MRC1: variants seen among roughly 807,000 people sequenced by gnomAD.
MRC1 encodes the protein mannose receptor C-type 1, also known as macrophage mannose receptor 1.
MRC1 carries 62 observed loss-of-function variants against 102.9 expected under a neutral mutation model. The ratio of observed to expected loss-of-function variants is 0.60; its 90% CI spans 0.49 to 0.74. MRC1 has a LOEUF of 0.74. Among genes scored for constraint, MRC1 ranks in the 30% least tolerant of loss-of-function variants. The pLI, the probability that MRC1 is intolerant of heterozygous loss-of-function variation, is 0.00. For synonymous variants in MRC1, 457 were observed against 298.4 expected (o/e 1.53, Z -5.48); for missense variants, 1,237 against 862.8 (o/e 1.43, Z -5.43).
At chr10:17,814,781 G>GT (rs1219393978) in intron 1 of MRC1, among the ~76,000 whole-genome samples, 1 of 147,708 alleles carries the variant, frequency 6.8e-6, no homozygotes, top group African/African-American at 2.5e-5. Flanking sequence ...TGCTTCCTGG[G>GT]TTCAAGTGAT....
At chr10:17,893,414 C>T (rs953069690) in intron 22 of MRC1, among the ~76,000 whole-genome samples, 2 of 152,166 alleles carry the variant, frequency 1.3e-5, no homozygotes, top group South Asian at 4.1e-4. Context: ...GCCTTGGCCT[C>T]TCAAAGTGCT....
chr10:17,909,441 G>C, intron 29 of MRC1, 94 bp downstream of exon 29: 2 of 760,834 alleles, frequency 2.6e-6, no homozygotes, highest in East Asian at 4.9e-5. Context: ...CAACTCCCCT[G>C]CTCTCTCAGT....
chr10:17,904,899 C>G (rs1833876270), intron 26 of MRC1, among the ~76,000 whole-genome samples: 1 of 152,278 alleles, frequency 6.6e-6, no homozygotes, highest in East Asian at 1.9e-4. Flanking sequence ...CCTAGCTTTT[C>G]CTTTTAAGTT....
chr10:17,880,069 T>G (rs1390237892), intron 19 of MRC1, among the ~76,000 whole-genome samples: 4 of 152,236 alleles, frequency 2.6e-5, no homozygotes, highest in African/African-American at 4.8e-5. Context: ...TTTCATGTTC[T>G]GATTTGAAAA....
At position 17,885,330 on chromosome 10, in the gene MRC1, C is replaced by G; in HGVS notation, c.3042C>G (p.Val1014=). Residue 1014 remains valine, a synonymous_variant, in exon 22 of 30, where the codon GTC becomes GTG. Coordinates refer to ENST00000569591, the MANE Select transcript of MRC1 (RefSeq NM_002438.4). ...GTGCCTGGACTGGGCTGAATGATGT[C>G]AATTCAGAACACACGTTCCTTTGGA... is the stretch of plus-strand genomic sequence containing the variant. ...TFSAWTGLND[V]NSEHTFLWTD... is the part of the protein sequence containing the mutation. 1 of 780,850 alleles carries G rather than the reference C, an allele frequency of 1.3e-6. No homozygotes were observed. 48.4% of individuals were successfully genotyped at this position (780,850 alleles called of 1,614,324 possible). A position where few individuals can be genotyped will look rare whatever the true frequency, so the allele number is the denominator to read the frequency against.
intron 3 of MRC1, among the ~76,000 whole-genome samples, chr10:17,832,038 A>G (rs1838582048): frequency 6.6e-6 from 1 of 151,616 alleles, no homozygotes; most frequent in Non-Finnish European, 1.5e-5. Flanking sequence ...TGAGAAAACG[A>G]GACTTCAAAA....
intron 17 of MRC1, among the ~76,000 whole-genome samples, chr10:17,876,783 C>G (rs1304002012): frequency 6.6e-6 from 1 of 152,048 alleles, no homozygotes; most frequent in Non-Finnish European, 1.5e-5. Flanking sequence ...AATCATCTTT[C>G]TTGGTTGTAA....
chr10:17,861,403 A>G lies in MRC1; in HGVS notation c.1535A>G (p.His512Arg). ...CATTAATAGGGCTGGAAAAAACATC[A>G]CTTTTACTGCTATATGATTGGACAT... ...KGCRKGWKKH[H>R]FYCYMIGHTL... The change falls in exon 10 of 30, where the codon CAC becomes CGC. Residue 512 changes from histidine to arginine, a missense_variant. Transcript: ENST00000569591. 4 of 872,464 alleles carry G rather than the reference A, an allele frequency of 4.6e-6. No individual in the cohort carries two copies. Among genetic ancestry groups the G allele is most frequent in the Admixed American group, 1.7e-5 (1 of 59,174 alleles). The allele number at this position is 872,464 out of a possible 1,614,324, so 54.0% of individuals were successfully genotyped here.
intron 8 of MRC1, among the ~76,000 whole-genome samples, chr10:17,853,572 A>G (rs1042961391): frequency 0.03 from 4,427 of 146,822 alleles, 132 homozygotes; most frequent in African/African-American, 0.074. Context: ...ATATATATGT[A>G]TGTGTGTGTG....
intron 27 of MRC1, among the ~76,000 whole-genome samples, chr10:17,907,230 C>T (rs1348137073): frequency 1.3e-5 from 2 of 152,044 alleles, no homozygotes; most frequent in Non-Finnish European, 2.9e-5. Context: ...GTTTGAGGAG[C>T]TTTAAAAAGC....
chr10:17,849,870 A>C (rs1838887549), intron 7 of MRC1, 106 bp downstream of exon 7: 1 of 628,698 alleles, frequency 1.6e-6, no homozygotes, highest in African/African-American at 1.8e-5. Flanking sequence ...AATCAATGTA[A>C]ATCAATAATT....
chr10:17,860,887 G>T (rs1833174937), intron 9 of MRC1, among the ~76,000 whole-genome samples: 1 of 152,196 alleles, frequency 6.6e-6, no homozygotes. Context: ...TAGGAGGAAT[G>T]ATGTACTACT....
chr10:17,908,042 G>C (rs937687647), intron 28 of MRC1, among the ~76,000 whole-genome samples: 2 of 152,206 alleles, frequency 1.3e-5, no homozygotes, highest in African/African-American at 4.8e-5. Flanking sequence ...GCCCAAACCT[G>C]AGGAGACCAG....
At chr10:17,907,175 A>G (rs1461035662) in intron 27 of MRC1, among the ~76,000 whole-genome samples, 176 bp downstream of exon 27, 1 of 152,234 alleles carries the variant, frequency 6.6e-6, no homozygotes, top group South Asian at 2.1e-4. Flanking sequence ...ATATCATGCT[A>G]TCCTCAAAGT....
At position 17,849,751 on chromosome 10, in the gene MRC1, C is replaced by T; in HGVS notation, c.1236C>T (p.Ser412=). Residue 412 remains serine (S), a synonymous_variant, in exon 7 of 30, where the codon TCC becomes TCT. Transcript: ENST00000569591. ...TCGAGGAATTGGACTTTATTATCTCCCAGCTAGGATATGGTGAGAAACTTG... is the reference window on the plus strand; with the variant it reads ...TCGAGGAATTGGACTTTATTATCTCTCAGCTAGGATATGGTGAGAAACTTG... ...HTIEELDFII[S]QLGYEPNDEL... 1.3e-6 allele frequency: 1 copy of T among 780,704 alleles called. No homozygotes were observed. The highest frequency in any genetic ancestry group is 1.7e-5 in the African/African-American group (1 of 59,226). 48.4% of individuals were successfully genotyped at this position (780,704 alleles called of 1,614,324 possible).
At chr10:17,885,057 A>T (rs1833573094) in intron 21 of MRC1, among the ~76,000 whole-genome samples, 2 of 152,230 alleles carry the variant, frequency 1.3e-5, no homozygotes, top group Non-Finnish European at 2.9e-5. Context: ...TAAAACCTAG[A>T]CTTTTATTGT....
At chr10:17,857,644 A>G (rs1289892416) in intron 9 of MRC1, among the ~76,000 whole-genome samples, 2 of 152,228 alleles carry the variant, frequency 1.3e-5, no homozygotes, top group Non-Finnish European at 2.9e-5. Context: ...CAACTTGACC[A>G]CTTTAAAAAC....
chr10:17,812,276 G>A (rs1389057504), intron 1 of MRC1, among the ~76,000 whole-genome samples: 1 of 152,148 alleles, frequency 6.6e-6, no homozygotes, highest in African/African-American at 2.4e-5. Context: ...AAGGTTTCCA[G>A]CTCAGTTGGG....
intron 22 of MRC1, among the ~76,000 whole-genome samples, 160 bp from the exon 23 acceptor site, chr10:17,894,050 T>C (rs941359856): frequency 1.1e-4 from 17 of 152,080 alleles, no homozygotes; most frequent in African/African-American, 3.6e-4. Flanking sequence ...GTAGGTAGAG[T>C]TGGGTAGAAA....
Sources: gnomAD v4.1 joint callset for allele counts (sites outside exome capture counted in the v4.1 genomes callset) on GRCh38, gnomAD v4.1.1 for gene constraint, MANE v1.5 for transcripts, NCBI Gene and HGNC (gene_info 2026-07-23, HGNC 2026-07-21) for gene names.